RALYL: variants seen among roughly 807,000 people sequenced by gnomAD.
The protein encoded by RALYL is RNA-binding Raly-like protein.
In RALYL, 29 loss-of-function variants were observed where a neutral mutation model predicts 35.1. The observed-to-expected ratio is 0.83, with a 90% confidence interval of 0.61 to 1.13. The LOEUF is 1.13. Ranked by LOEUF, RALYL falls within the 50% of genes most tolerant of loss-of-function variation. RALYL has a pLI of 0.00. For missense variants in RALYL, 359 were observed against 360.4 expected (o/e 1.00, Z 0.03); for synonymous variants, 120 against 127.6 (o/e 0.94, Z 0.40).
At chr8:84,917,664 A>G (rs1486334335) in intron 8 of RALYL, among the ~76,000 whole-genome samples, 4 of 151,592 alleles carry the variant, frequency 2.6e-5, no homozygotes, top group African/African-American at 9.7e-5. Context: ...CAACTCAGGA[A>G]TAGAGATTAT....
At chr8:84,372,886 GTTTTTTTTTT>G (rs76885544) in intron 1 of RALYL, among the ~76,000 whole-genome samples, 45 of 39,072 alleles carry the variant, frequency 1.2e-3, no homozygotes, top group African/African-American at 3.2e-3. Flanking sequence ...GCCAGCATCT[GTTTTTTTTTT>G]TTTTTTTTTT....
At chr8:84,860,789 C>A (rs527258581) in intron 5 of RALYL, among the ~76,000 whole-genome samples, 1 of 152,256 alleles carries the variant, frequency 6.6e-6, no homozygotes, top group South Asian at 2.1e-4. Context: ...TTTTCCCCAG[C>A]ATGTTCTAAA....
chr8:84,645,992 C>T (rs1346049842), intron 2 of RALYL, among the ~76,000 whole-genome samples: 1 of 151,950 alleles, frequency 6.6e-6, no homozygotes, highest in African/African-American at 2.4e-5. Context: ...TTAATACATC[C>T]TTTCAAGATG....
chr8:84,518,466 T>G (rs2058223486), intron 1 of RALYL, among the ~76,000 whole-genome samples: 1 of 152,304 alleles, frequency 6.6e-6, no homozygotes, highest in Admixed American at 6.5e-5. Context: ...CATTGCTAGA[T>G]GCTATCATTT....
chr8:84,706,148 G>T lies in RALYL; in HGVS notation c.257-68431G>T. On this transcript the variant is annotated intron_variant, in intron 2 of 8. Coordinates refer to ENST00000521268, the MANE Select transcript of RALYL (RefSeq NM_173848.7). The stretch of plus-strand genomic sequence containing the variant: ...TAAAAGACTAATCATGACTTCTTCA[G>T]ATACATCCTGGTAGTAGAAAAGATA... The T allele has an allele frequency of 2.5e-6, 3 of 1,209,488 alleles. No individual in the cohort carries two copies. In the South Asian group the frequency reaches 4.0e-5, roughly 16 times the overall value. 74.9% of individuals were successfully genotyped at this position (1,209,488 alleles called of 1,614,324 possible).
At chr8:84,288,906 C>T (rs190143492) in intron 1 of RALYL, among the ~76,000 whole-genome samples, 1 of 152,106 alleles carries the variant, frequency 6.6e-6, no homozygotes, top group East Asian at 1.9e-4. Context: ...TTGCACTGAA[C>T]AAAGTTGAAT....
intron 3 of RALYL, among the ~76,000 whole-genome samples, chr8:84,780,829 G>C (rs35907744): frequency 1.9e-3 from 292 of 152,196 alleles, no homozygotes; most frequent in Non-Finnish European, 2.9e-3. Context: ...CTATGATAAA[G>C]TATTTTAGGA....
intron 1 of RALYL, among the ~76,000 whole-genome samples, chr8:84,194,698 G>A (rs548846986): frequency 6.6e-6 from 1 of 152,214 alleles, no homozygotes; most frequent in Admixed American, 6.5e-5. Context: ...CTGCTCTGTT[G>A]AGATCTCATT....
intron 1 of RALYL, among the ~76,000 whole-genome samples, chr8:84,258,876 C>T (rs944186677): frequency 3.3e-5 from 5 of 152,086 alleles, no homozygotes. Context: ...CCTTAATATT[C>T]CCAGGTGTGA....
intron 2 of RALYL, among the ~76,000 whole-genome samples, chr8:84,689,281 A>G (rs1290942398): frequency 6.6e-6 from 1 of 151,804 alleles, no homozygotes; most frequent in East Asian, 1.9e-4. Context: ...TCCTGTGTCC[A>G]TGTGTTCTCA....
At chr8:84,228,964 G>C (rs927271208) in intron 1 of RALYL, among the ~76,000 whole-genome samples, 3 of 152,120 alleles carry the variant, frequency 2.0e-5, no homozygotes, top group African/African-American at 7.2e-5. Context: ...ACAATTCAAG[G>C]TGAGATTTGG....
chr8:84,490,071 TTGCG>T (rs1485049176), intron 1 of RALYL, among the ~76,000 whole-genome samples: 5 of 129,012 alleles, frequency 3.9e-5, no homozygotes, highest in African/African-American at 1.1e-4. Flanking sequence ...GTCAGAGTGC[TTGCG>T]TGCATGTGTG....
At chr8:84,238,482 A>G (rs1010843976) in intron 1 of RALYL, among the ~76,000 whole-genome samples, 1 of 152,174 alleles carries the variant, frequency 6.6e-6, no homozygotes, top group East Asian at 1.9e-4. Context: ...GGTTAAATTA[A>G]CATTTGCTGC....
At chr8:84,425,289 T>A (rs1277179895) in intron 1 of RALYL, among the ~76,000 whole-genome samples, 3 of 152,074 alleles carry the variant, frequency 2.0e-5, no homozygotes, top group African/African-American at 7.2e-5. Context: ...AAGCGCAATA[T>A]TCGGGTGGGA....
At chr8:84,549,712 C>T (rs6473555) in intron 2 of RALYL, among the ~76,000 whole-genome samples, 44,191 of 152,088 alleles carry the variant, frequency 0.29, 7,986 homozygotes, top group South Asian at 0.49. Flanking sequence ...CTGCAACTCC[C>T]TTCAGAGACT....
At chr8:84,659,474 G>C (rs1368610049) in intron 2 of RALYL, among the ~76,000 whole-genome samples, 1 of 152,118 alleles carries the variant, frequency 6.6e-6, no homozygotes, top group Non-Finnish European at 1.5e-5. Flanking sequence ...AATCAGAAAA[G>C]GCTGTTTGAT....
chr8:84,489,928 G>A (rs2134016632), intron 1 of RALYL, among the ~76,000 whole-genome samples: 1 of 152,090 alleles, frequency 6.6e-6, no homozygotes, highest in East Asian at 1.9e-4. Flanking sequence ...GAATTAGGGA[G>A]AAGGAACCAA....
At chr8:84,909,414 C>CA (rs1289106007) in intron 8 of RALYL, among the ~76,000 whole-genome samples, 1 of 152,074 alleles carries the variant, frequency 6.6e-6, no homozygotes, top group Non-Finnish European at 1.5e-5. Flanking sequence ...GAAATTAACA[C>CA]AAAAATACTG....
intron 1 of RALYL, among the ~76,000 whole-genome samples, chr8:84,222,323 T>C (rs1405452009): frequency 6.6e-6 from 1 of 152,188 alleles, no homozygotes; most frequent in South Asian, 2.1e-4. Context: ...ATTTTCTATG[T>C]TACATCTATG....
Sources: allele counts gnomAD v4.1 joint callset (sites outside exome capture counted in the v4.1 genomes callset), GRCh38; gene constraint gnomAD v4.1.1; transcripts MANE v1.5; gene names NCBI Gene and HGNC (gene_info 2026-07-23, HGNC 2026-07-21).